The following PTGER3 variants were observed in gnomAD, a reference collection of about 807,000 sequenced individuals.
PTGER3 encodes the protein prostaglandin E2 receptor EP3 subtype.
A neutral mutation model predicts 34.7 loss-of-function variants in PTGER3; 22 were observed. That is an observed-to-expected ratio of 0.63 (90% confidence interval 0.45 to 0.91). The LOEUF (loss-of-function observed/expected upper bound fraction) is 0.91, where lower values mean the gene tolerates loss of function less well. Ranked by LOEUF, PTGER3 falls within the 40% of genes least tolerant of loss-of-function variation. The probability of loss-of-function intolerance (pLI) is 0.00; values close to 1 mark genes in which losing one functional copy is unlikely to be tolerated. For synonymous variants in PTGER3, 241 were observed against 230.1 expected, an observed-to-expected ratio of 1.05 and a Z score of -0.43; for missense variants, 468 against 519.4, an observed-to-expected ratio of 0.90 and a Z score of 0.96.
chr1:70,954,807 A>G (rs1651146425), intron 2 of PTGER3, among the ~76,000 whole-genome samples: 1 of 151,540 alleles, frequency 6.6e-6, no homozygotes, highest in South Asian at 2.1e-4. Flanking sequence ...TGTTTTCTAC[A>G]TTCAACACTA....
intron 2 of PTGER3, among the ~76,000 whole-genome samples, chr1:70,961,584 A>G (rs568201517): frequency 6.6e-6 from 1 of 151,786 alleles, no homozygotes; most frequent in African/African-American, 2.4e-5. Context: ...CTTATCTTTC[A>G]CTCTTTCTTA....
In PTGER3 at chr1:70,899,498, A is replaced by C. The variant is rs146576479; in HGVS notation, c.*24-46639T>G. Among the ~76,000 whole-genome samples, 819 of 152,238 alleles carry C rather than the reference A, an allele frequency of 5.4e-3. 3 individuals are homozygous for C. The highest frequency in any genetic ancestry group is 0.018 in the African/African-American group (764 of 41,536). On this transcript the variant is annotated intron_variant, in intron 4 of 4. Transcript: ENST00000370931. ...TCATGAGAGAAGACATAGAAGCATG[A>C]ATCACTAATGTGTTTTGAAGCAATT...
At chr1:70,932,868 G>C (rs1557665524) in intron 4 of PTGER3, among the ~76,000 whole-genome samples, 1 of 152,096 alleles carries the variant, frequency 6.6e-6, no homozygotes, top group Admixed American at 6.5e-5. Context: ...CCTCTGGAAA[G>C]ACTTTCTAAA....
intron 4 of PTGER3, among the ~76,000 whole-genome samples, chr1:70,942,855 G>A (rs1572712363): frequency 6.6e-6 from 1 of 152,142 alleles, no homozygotes; most frequent in East Asian, 1.9e-4. Flanking sequence ...ACAAAGAGAA[G>A]GTGTTCACCT....
At chr1:70,928,572 G>A (rs1316461612) in intron 4 of PTGER3, among the ~76,000 whole-genome samples, 1 of 150,938 alleles carries the variant, frequency 6.6e-6, no homozygotes, top group Non-Finnish European at 1.5e-5. Flanking sequence ...GATTGAGGCT[G>A]CATTGAGCCA....
intron 4 of PTGER3, among the ~76,000 whole-genome samples, chr1:70,875,340 A>G (rs1179549602): frequency 6.6e-6 from 1 of 152,216 alleles, no homozygotes; most frequent in Non-Finnish European, 1.5e-5. Context: ...GTGCCTAGAA[A>G]GGTAACAAAC....
intron 1 of PTGER3, among the ~76,000 whole-genome samples, chr1:71,038,862 T>A (rs1660044962): frequency 6.6e-6 from 1 of 152,238 alleles, no homozygotes; most frequent in South Asian, 2.1e-4. Flanking sequence ...CCAACATTTC[T>A]AATTGCCTGT....
rs1191873972 is a variant in PTGER3 at position 71,047,195 on chromosome 1, C to T, written c.383G>A (p.Arg128Gln). The change falls in exon 1 of 4, where the codon CGG becomes CAG. Residue 128 changes from arginine to glutamine, a missense_variant. Arg to Gln is a conservative substitution (Grantham distance 43). This residue lies in a region of PTGER3 where 53 missense variants were observed against 93.9 expected (regional missense o/e 0.56). Coordinates refer to ENST00000306666, the MANE Select transcript of PTGER3 (RefSeq NM_198719.2). ...QRWEHIDPSGRLCTFFGLTMT... is the reference protein window; with the variant it reads ...QRWEHIDPSGQLCTFFGLTMT... ...GGTCAGCCCGAAAAAGGTGCAGAGC[C>T]GCCCCGACGGGTCGATGTGCTCCCA... 6.3e-7 allele frequency: 1 copy of T among 1,598,984 alleles called. No homozygotes were observed. The highest frequency in any genetic ancestry group is 1.7e-5 in the Admixed American group (1 of 57,322).
intron 2 of PTGER3, among the ~76,000 whole-genome samples, chr1:70,957,965 T>C (rs1232602027): frequency 6.6e-6 from 1 of 152,148 alleles, no homozygotes; most frequent in Non-Finnish European, 1.5e-5. Flanking sequence ...TTTCACATAA[T>C]ATAATGTCCT....
chr1:71,017,557 G>A (rs1658017636), intron 1 of PTGER3, among the ~76,000 whole-genome samples: 1 of 152,056 alleles, frequency 6.6e-6, no homozygotes, highest in Non-Finnish European at 1.5e-5. Context: ...CTTGGTGGGA[G>A]GTGACTGGAT....
intron 4 of PTGER3, among the ~76,000 whole-genome samples, chr1:70,924,772 C>CT (rs1647886970): frequency 6.6e-6 from 1 of 152,070 alleles, no homozygotes; most frequent in South Asian, 2.1e-4. Flanking sequence ...AGTAGCCATT[C>CT]TTTTTTTCCT....
intron 1 of PTGER3, among the ~76,000 whole-genome samples, chr1:71,027,410 G>A (rs1659026354): frequency 6.6e-6 from 1 of 152,088 alleles, no homozygotes; most frequent in Non-Finnish European, 1.5e-5. Context: ...TGATTCTCCT[G>A]CTTTGGCCTC....
In PTGER3 at chr1:70,971,731, T is replaced by C. The variant is rs1653099148; in HGVS notation, c.1172A>G (p.Ter391=). Residue 391 remains the stop codon, a splice_region_variant and stop_retained_variant, in exon 4 of 4, where the codon TAA becomes TGA. Coordinates refer to ENST00000306666, the MANE Select transcript of PTGER3 (RefSeq NM_198719.2). The stretch of plus-strand genomic sequence containing the variant: ...AAAATGTCCAACTCCGTTCTTTCAT[T>C]ATCTGTTAGAATAGAGAGAGAAAGA... The part of the protein sequence containing the change: ...TLMWSDHLER[*] 2 of 1,558,174 alleles carry C rather than the reference T, an allele frequency of 1.3e-6. No homozygotes were observed. The highest frequency in any genetic ancestry group is 2.8e-5 in the African/African-American group (2 of 72,688).
At chr1:71,027,407 C>T (rs925106032) in intron 1 of PTGER3, among the ~76,000 whole-genome samples, 4 of 152,158 alleles carry the variant, frequency 2.6e-5, no homozygotes, top group Admixed American at 2.0e-4. Context: ...AAGTGATTCT[C>T]CTGCTTTGGC....
At chr1:70,910,848 C>T (rs1572623524) in intron 4 of PTGER3, among the ~76,000 whole-genome samples, 1 of 151,952 alleles carries the variant, frequency 6.6e-6, no homozygotes, top group Non-Finnish European at 1.5e-5. Context: ...TTTGGGAGGC[C>T]GAGGCAGGCG....
At chr1:70,866,676 A>G (rs990584051) in intron 4 of PTGER3, among the ~76,000 whole-genome samples, 2 of 152,180 alleles carry the variant, frequency 1.3e-5, no homozygotes, top group African/African-American at 4.8e-5. Context: ...AAGAGGAATT[A>G]GATGGTGCCT....
chr1:70,992,782 A>G (rs115410852), intron 2 of PTGER3, among the ~76,000 whole-genome samples: 17 of 152,296 alleles, frequency 1.1e-4, no homozygotes, highest in Admixed American at 4.6e-4. Flanking sequence ...GCCTCACCCT[A>G]CACTATATAT....
intron 2 of PTGER3, among the ~76,000 whole-genome samples, chr1:70,979,352 G>C (rs1654025641): frequency 6.6e-6 from 1 of 150,382 alleles, no homozygotes. Flanking sequence ...TCTAGACCTA[G>C]AACCAGAACT....
intron 4 of PTGER3, among the ~76,000 whole-genome samples, chr1:70,936,126 C>A (rs1421512756): frequency 6.6e-6 from 1 of 152,084 alleles, no homozygotes; most frequent in Non-Finnish European, 1.5e-5. Context: ...AATATGAGCT[C>A]TAAACTGTGT....
Sources: gnomAD v4.1 joint callset for allele counts (sites outside exome capture counted in the v4.1 genomes callset) on GRCh38, gnomAD v4.1.1 for gene constraint, gnomAD v4.1.1 regional missense constraint, MANE v1.5 for transcripts, NCBI Gene and HGNC (gene_info 2026-07-23, HGNC 2026-07-21) for gene names.